GPRIN3: variants seen among roughly 807,000 people sequenced by gnomAD.
GPRIN3 encodes the protein G protein-regulated inducer of neurite outgrowth 3.
In GPRIN3, 12 loss-of-function variants were observed where a neutral mutation model predicts 13.7. That is an observed-to-expected ratio of 0.87 (90% CI 0.56 to 1.42). The LOEUF (loss-of-function observed/expected upper bound fraction) is 1.42. Ranked by LOEUF, GPRIN3 falls within the 40% of genes most tolerant of loss-of-function variation. The pLI is 0.00. For missense variants in GPRIN3, 1,009 were observed against 958.7 expected (o/e 1.05, Z -0.69); for synonymous variants, 377 against 372.7 (o/e 1.01, Z -0.13).
chr4:89,278,145 G>A (rs918112702), intron 1 of GPRIN3, among the ~76,000 whole-genome samples: 1 of 152,158 alleles, frequency 6.6e-6, no homozygotes, highest in Non-Finnish European at 1.5e-5. Context: ...TCGGGGACAT[G>A]AGTGACATGA....
At chr4:89,301,726 G>T (rs753758406) in intron 1 of GPRIN3, among the ~76,000 whole-genome samples, 1 of 152,146 alleles carries the variant, frequency 6.6e-6, no homozygotes, top group Non-Finnish European at 1.5e-5. Flanking sequence ...TGCAATTCAA[G>T]TTTTAAAAAA....
At position 89,241,688 on chromosome 4, in the gene GPRIN3, C is replaced by T. The variant is rs1722950788; in HGVS notation, c.*6092G>A. The stretch of plus-strand genomic sequence containing the variant: ...CTGATATACCAGCATCATTTTAAGA[C>T]ACGATGGAAAACATTAGGAAAAATA... On this transcript the variant is annotated 3_prime_UTR_variant, in exon 2 of 2. Coordinates refer to ENST00000609438, the MANE Select transcript of GPRIN3 (RefSeq NM_198281.3). 1 of 152,032 alleles carries T rather than the reference C, an allele frequency of 6.6e-6. No homozygotes were observed. Among genetic ancestry groups the T allele is most frequent in the Non-Finnish European group, 1.5e-5 (1 of 68,004 alleles). The allele number at this position is 152,032 out of a possible 1,614,324, so 9.4% of individuals were successfully genotyped here.
At chr4:89,273,790 C>T (rs941057207) in intron 1 of GPRIN3, among the ~76,000 whole-genome samples, 1 of 152,202 alleles carries the variant, frequency 6.6e-6, no homozygotes, top group Non-Finnish European at 1.5e-5. Context: ...TATGACCTCA[C>T]GAACCTCCTG....
intron 1 of GPRIN3, among the ~76,000 whole-genome samples, chr4:89,258,644 C>T (rs1393452180): frequency 1.3e-5 from 2 of 152,198 alleles, no homozygotes; most frequent in Admixed American, 6.5e-5. Flanking sequence ...TTTGACTCCA[C>T]TTGGATTCCC....
At chr4:89,252,957 T>C (rs1304907681) in intron 1 of GPRIN3, among the ~76,000 whole-genome samples, 1 of 151,514 alleles carries the variant, frequency 6.6e-6, no homozygotes, top group Non-Finnish European at 1.5e-5. Context: ...TTAAATCCCA[T>C]TTTTTTTCTG....
chr4:89,291,208 T>C (rs866149626), intron 1 of GPRIN3, among the ~76,000 whole-genome samples: 1 of 152,206 alleles, frequency 6.6e-6, no homozygotes, highest in Non-Finnish European at 1.5e-5. Flanking sequence ...ACAAGTCACA[T>C]ACAGTTATAT....
chr4:89,263,548 T>G (rs1470823973), intron 1 of GPRIN3, among the ~76,000 whole-genome samples: 1 of 152,268 alleles, frequency 6.6e-6, no homozygotes, highest in East Asian at 1.9e-4. Flanking sequence ...CTTTGGAGTG[T>G]CCCTGTTTCC....
intron 1 of GPRIN3, among the ~76,000 whole-genome samples, chr4:89,258,939 C>T (rs1025673550): frequency 1.1e-4 from 16 of 152,180 alleles, no homozygotes; most frequent in Non-Finnish European, 1.5e-5. Flanking sequence ...ATAGGTTAAA[C>T]ACTTAGCATG....
intron 1 of GPRIN3, among the ~76,000 whole-genome samples, chr4:89,303,130 C>T (rs568550591): frequency 2.6e-4 from 39 of 151,984 alleles, no homozygotes; most frequent in Non-Finnish European, 5.0e-4. Context: ...CAGCAAAACA[C>T]AAGAATAAAT....
intron 1 of GPRIN3, among the ~76,000 whole-genome samples, chr4:89,263,147 T>G (rs1229911598): frequency 6.6e-6 from 1 of 152,206 alleles, no homozygotes; most frequent in Non-Finnish European, 1.5e-5. Context: ...TCTCATTCAG[T>G]CAATGCTAAA....
At chr4:89,257,477 C>A (rs1723498249) in intron 1 of GPRIN3, among the ~76,000 whole-genome samples, 1 of 152,202 alleles carries the variant, frequency 6.6e-6, no homozygotes, top group Non-Finnish European at 1.5e-5. Flanking sequence ...GCACTTATTT[C>A]TTGCTTTCTC....
rs372453944 is a variant in GPRIN3, at chr4:89,248,194, G to A, written c.1917C>T (p.Ser639=). 100 of 1,614,028 alleles carry A rather than the reference G, an allele frequency of 6.2e-5. No homozygotes were observed. Among genetic ancestry groups the A allele is most frequent in the African/African-American group, 1.3e-4 (10 of 74,914 alleles). ...TTAACTTTTGCTCCTTGAGGAACTCGCTGACGCGGCTGGGCCTGCGTGGGC... is the reference window on the plus strand; with the variant it reads ...TTAACTTTTGCTCCTTGAGGAACTCACTGACGCGGCTGGGCCTGCGTGGGC... ...KASPRRPSRV[S]EFLKEQKLNV... Residue 639 remains serine (S), a synonymous_variant, in exon 2 of 2, where the codon AGC becomes AGT. Coordinates refer to ENST00000609438, the MANE Select transcript of GPRIN3 (RefSeq NM_198281.3).
chr4:89,301,274 A>G (rs970637257), intron 1 of GPRIN3, among the ~76,000 whole-genome samples: 1 of 152,224 alleles, frequency 6.6e-6, no homozygotes, highest in Non-Finnish European at 1.5e-5. Flanking sequence ...AAAAAAATGT[A>G]TACTGAGAAA....
At position 89,307,072 on chromosome 4, in the gene GPRIN3, A is replaced by T. The variant is rs112165925; in HGVS notation, c.-124+543T>A. Among the ~76,000 whole-genome samples the T allele has an allele frequency of 9.7e-3, 1,482 of 152,082 alleles. 26 individuals are homozygous for T. The highest frequency in any genetic ancestry group is 0.034 in the African/African-American group (1,404 of 41,440). ...GTTCCAAAGTTCGCCTCTATTAGTGAACATGTCTCTACAACGATTTCCCTT... is the reference window on the plus strand; with the variant it reads ...GTTCCAAAGTTCGCCTCTATTAGTGTACATGTCTCTACAACGATTTCCCTT... On this transcript the variant is annotated intron_variant, in intron 1 of 1. Coordinates refer to ENST00000609438, the MANE Select transcript of GPRIN3 (RefSeq NM_198281.3).
At position 89,240,840 on chromosome 4, in the gene GPRIN3, G is replaced by A. The variant is rs1052526479; in HGVS notation, c.*6940C>T. ...CTAGTATAAATAAAATGTATTATGT[G>A]TGCCTATATATGTGGATAAGCTATT... is the stretch of plus-strand genomic sequence containing the variant. On this transcript the variant is annotated 3_prime_UTR_variant, in exon 2 of 2. Coordinates refer to ENST00000609438, the MANE Select transcript of GPRIN3 (RefSeq NM_198281.3). 42 of 152,162 alleles carry A rather than the reference G, an allele frequency of 2.8e-4. 1 individual carries two copies. The highest frequency in any genetic ancestry group is 9.2e-4 in the African/African-American group (38 of 41,440). 9.4% of individuals were successfully genotyped at this position (152,162 alleles called of 1,614,324 possible). A position where few individuals can be genotyped will look rare whatever the true frequency, so the allele number is the denominator to read the frequency against.
intron 1 of GPRIN3, among the ~76,000 whole-genome samples, chr4:89,301,319 A>G (rs1174938690): frequency 6.6e-6 from 1 of 152,206 alleles, no homozygotes; most frequent in Non-Finnish European, 1.5e-5. Flanking sequence ...AGGAAGAACT[A>G]CAAGAAAAAC....
At chr4:89,277,728 T>C (rs1435352620) in intron 1 of GPRIN3, among the ~76,000 whole-genome samples, 1 of 152,208 alleles carries the variant, frequency 6.6e-6, no homozygotes, top group African/African-American at 2.4e-5. Context: ...CTGGAGTCCA[T>C]CTAGTTTCAC....
At chr4:89,263,167 G>A (rs1723680675) in intron 1 of GPRIN3, among the ~76,000 whole-genome samples, 2 of 152,082 alleles carry the variant, frequency 1.3e-5, no homozygotes, top group Admixed American at 6.5e-5. Flanking sequence ...ACACTTACCC[G>A]CCACTTGCTG....
intron 1 of GPRIN3, among the ~76,000 whole-genome samples, chr4:89,265,165 T>C (rs1448346541): frequency 1.3e-5 from 2 of 152,206 alleles, no homozygotes; most frequent in African/African-American, 4.8e-5. Flanking sequence ...GGGATAATTA[T>C]AGTTCAAATG....
Sources: allele counts gnomAD v4.1 joint callset (sites outside exome capture counted in the v4.1 genomes callset), GRCh38; gene constraint gnomAD v4.1.1; transcripts MANE v1.5; gene names NCBI Gene and HGNC (gene_info 2026-07-23, HGNC 2026-07-21).